The following VPS51 variants were observed in gnomAD, a reference collection of about 807,000 sequenced individuals.
The protein encoded by VPS51 is VPS51 subunit of GARP complex.
In VPS51, 55 loss-of-function variants were observed where a neutral mutation model predicts 65.1. The observed-to-expected ratio is 0.84, with a 90% CI of 0.68 to 1.06. The LOEUF (loss-of-function observed/expected upper bound fraction) is 1.06, where lower values mean the gene tolerates loss of function less well. Among genes scored for constraint, VPS51 ranks in the 50% least tolerant of loss-of-function variants. The pLI is 0.00. For synonymous variants in VPS51, 473 were observed against 489.5 expected (o/e 0.97, Z 0.44); for missense variants, 943 against 1,101.6 (o/e 0.86, Z 2.04).
intron 7 of VPS51, chr11:65,110,151 A>G (rs900690379): frequency 3.2e-6 from 2 of 626,080 alleles, no homozygotes; most frequent in Non-Finnish European, 5.5e-6. Flanking sequence ...GCCTATGTCC[A>G]CGGTCTTGTT....
chr11:65,108,613 C>T lies in VPS51; in HGVS notation c.1142C>T (p.Ala381Val). ...GACCGCTTCCACCGGCGCTTGCGGG[C>T]TCCCGGGGCCCTGCTGGCCGCTGCC... ...ALDRFHRRLR[A>V]PGALLAAAGL... is the part of the protein sequence containing the mutation. Residue 381 changes from alanine to valine, a missense_variant, in exon 5 of 10, where the codon GCT (alanine) becomes GTT (valine). Transcript: ENST00000279281. The T allele has an allele frequency of 6.5e-7, 1 of 1,528,216 alleles. No homozygotes were observed. Among genetic ancestry groups the T allele is most frequent in the Non-Finnish European group, 8.7e-7 (1 of 1,145,808 alleles). 94.7% of individuals were successfully genotyped at this position (1,528,216 alleles called of 1,614,324 possible).
intron 2 of VPS51, among the ~76,000 whole-genome samples, chr11:65,102,346 G>C (rs915450510): frequency 1.3e-5 from 2 of 152,208 alleles, no homozygotes; most frequent in Non-Finnish European, 2.9e-5. Flanking sequence ...GATAAACAGT[G>C]TAGTCTTTGT....
intron 2 of VPS51, among the ~76,000 whole-genome samples, chr11:65,101,869 A>G (rs1479217537): frequency 1.3e-5 from 2 of 151,752 alleles, no homozygotes; most frequent in Non-Finnish European, 2.9e-5. Context: ...CAGTCACATA[A>G]TCAGCATCCA....
chr11:65,096,425 G>A lies in VPS51; in HGVS notation c.175G>A (p.Asp59Asn). Residue 59 changes from aspartate to asparagine, a missense_variant, in exon 1 of 10, where the codon GAC (aspartate) becomes AAC (asparagine). Asp to Asn is a conservative substitution (Grantham distance 23). Around this residue, in one of 2 missense-constraint regions of VPS51, gnomAD observed 855 missense variants for 953.7 expected, o/e 0.90. Transcript: ENST00000279281. ...AGRPAGPDPL[D>N]PTDLNGAHFD... ...ACGCCCCGCGGGGCCCGACCCCCTG[G>A]ACCCGACTGATCTGAACGGGGCGCA... is the stretch of plus-strand genomic sequence containing the variant. 6.5e-7 allele frequency: 1 copy of A among 1,543,092 alleles called. No individual in the cohort carries two copies. Among genetic ancestry groups the A allele is most frequent in the African/African-American group, 1.4e-5 (1 of 71,316 alleles).
rs1258255200 is a variant in VPS51 at position 65,107,288 on chromosome 11, A to G, written c.359-293A>G. 1 of 562,526 alleles carries G rather than the reference A, an allele frequency of 1.8e-6. No individual in the cohort carries two copies. The highest frequency in any genetic ancestry group is 1.9e-5 in the African/African-American group (1 of 53,894). 34.8% of individuals were successfully genotyped at this position (562,526 alleles called of 1,614,324 possible). On this transcript the variant is annotated intron_variant, in intron 2 of 9. Transcript: ENST00000279281. The surrounding 1 kb of genome is among the most constrained non-coding windows in gnomAD (Gnocchi z 4.0). ...TGAGGCACAGTGGTGGCAGCTGGCTAAGCACCTGCGGCCTGCTTCGGATCT... is the reference window on the plus strand; with the variant it reads ...TGAGGCACAGTGGTGGCAGCTGGCTGAGCACCTGCGGCCTGCTTCGGATCT...
chr11:65,101,306 A>T (rs746752096), intron 2 of VPS51, among the ~76,000 whole-genome samples: 3 of 152,250 alleles, frequency 2.0e-5, no homozygotes, highest in Non-Finnish European at 4.4e-5. Flanking sequence ...TTTGGCCTGC[A>T]GGCTGTAGTT....
chr11:65,097,327 T>G (rs1051382175), intron 2 of VPS51, among the ~76,000 whole-genome samples, 200 bp downstream of exon 2: 1 of 152,226 alleles, frequency 6.6e-6, no homozygotes, highest in African/African-American at 2.4e-5. Context: ...GAGGGTTGTC[T>G]TAAGTACCAA....
chr11:65,101,263 C>A (rs2137182338), intron 2 of VPS51, among the ~76,000 whole-genome samples: 1 of 152,106 alleles, frequency 6.6e-6, no homozygotes, highest in Middle Eastern at 3.4e-3. Flanking sequence ...CAATTATATC[C>A]CAATTAAAAA....
At chr11:65,096,618 C>T (rs1947771793) in intron 1 of VPS51, 140 bp downstream of exon 1, 1 of 768,036 alleles carries the variant, frequency 1.3e-6, no homozygotes, top group Non-Finnish European at 2.0e-6. Context: ...GAACCTCGGC[C>T]AGGGAGTACG....
Position 65,111,529 on chromosome 11 carries a change from G to T in VPS51, c.2291G>T (p.Cys764Phe). Residue 764 changes from cysteine to phenylalanine, a missense_variant, in exon 10 of 10, where the codon TGC becomes TTC. Cys to Phe is a radical substitution (Grantham distance 205). Around this residue, in one of 2 missense-constraint regions of VPS51, gnomAD observed 88 missense variants for 147.8 expected, o/e 0.60. Transcript: ENST00000279281. Reference sequence around the variant, plus strand: ...GTGGTGGCCTCTGCTGCCCTGCGCTGCCCAGACCCTGTGCCCATGGAGCCC... The same window carrying T: ...GTGGTGGCCTCTGCTGCCCTGCGCTTCCCAGACCCTGTGCCCATGGAGCCC... ...DEVVASAALR[C>F]PDPVPMEPSV... The T allele has an allele frequency of 6.2e-7, 1 of 1,612,916 alleles. No homozygotes were observed. Among genetic ancestry groups the T allele is most frequent in the Non-Finnish European group, 8.5e-7 (1 of 1,180,020 alleles).
At chr11:65,099,869 G>A (rs907412160) in intron 2 of VPS51, among the ~76,000 whole-genome samples, 3 of 152,256 alleles carry the variant, frequency 2.0e-5, no homozygotes, top group Admixed American at 1.3e-4. Flanking sequence ...CTGAGAGGCC[G>A]AGACGGGTGG....
Position 65,108,895 on chromosome 11 carries a change from C to T in VPS51, c.1424C>T (p.Ser475Phe), listed in dbSNP as rs747556945. 1 of 1,613,032 alleles carries T rather than the reference C, an allele frequency of 6.2e-7. No homozygotes were observed. Among genetic ancestry groups the T allele is most frequent in the Non-Finnish European group, 8.5e-7 (1 of 1,180,012 alleles). ...TTCACCGCCAAAGAGGTGTCCTTCT[C>T]CAACAAGCCCTACTTCCGGGTACGC... ...HLFTAKEVSF[S>F]NKPYFRGEFC... Residue 475 changes from serine (S) to phenylalanine (F), a missense_variant, in exon 5 of 10, where the codon TCC becomes TTC. By Grantham distance (155) the Ser-to-Phe change is radical. This residue lies in a region of VPS51 where 855 missense variants were observed against 953.7 expected (regional missense o/e 0.90). Transcript: ENST00000279281.
chr11:65,096,497 TGGGGGGGTGCGGGGAG>T lies in VPS51; in HGVS notation c.228+25_228+40del. The T allele has an allele frequency of 3.2e-6, 2 of 628,488 alleles. No individual in the cohort carries two copies. The highest frequency in any genetic ancestry group is 4.9e-6 in the Non-Finnish European group (2 of 409,808). The allele number at this position is 628,488 out of a possible 1,614,324, so 38.9% of individuals were successfully genotyped here. A position where few individuals can be genotyped will look rare whatever the true frequency, so the allele number is the denominator to read the frequency against. Reference sequence around the variant, plus strand: ...AGACAAGGTGTGTGCGCACGGGGAGTGGGGGGGTGCGGGGAGGGGGGAAGGGAACCAGGCCCCTGCT... The same window carrying T: ...AGACAAGGTGTGTGCGCACGGGGAGTGGGGGAAGGGAACCAGGCCCCTGCT... On this transcript the variant is annotated intron_variant, in intron 1 of 9. Transcript: ENST00000279281.
intron 7 of VPS51, 67 bp from the exon 8 acceptor site, chr11:65,110,415 T>G (rs1349164034): frequency 9.3e-6 from 15 of 1,611,884 alleles, no homozygotes; most frequent in Non-Finnish European, 1.1e-5. Context: ...TAGGGCATCC[T>G]CAGCACCGAT....
intron 2 of VPS51, among the ~76,000 whole-genome samples, chr11:65,097,814 A>G (rs1383146012): frequency 6.6e-6 from 1 of 151,704 alleles, no homozygotes; most frequent in African/African-American, 2.4e-5. Context: ...CTGTGCTTGT[A>G]CCACTTCACT....
At chr11:65,099,971 C>A (rs1017045979) in intron 2 of VPS51, among the ~76,000 whole-genome samples, 1 of 152,022 alleles carries the variant, frequency 6.6e-6, no homozygotes, top group Non-Finnish European at 1.5e-5. Context: ...GGCATGGTGG[C>A]AGGCATCTGT....
Position 65,096,373 on chromosome 11 carries a change from C to A in VPS51, c.123C>A (p.Tyr41Ter), listed in dbSNP as rs1235296140. Residue 41 changes from tyrosine (Y) to a stop codon, truncating the protein, a stop_gained, in exon 1 of 10, where the codon TAC (tyrosine) becomes TAA (stop). Transcript: ENST00000279281. LOFTEE classifies it high-confidence loss of function. ...CGCACGGGATGCTGAAGCTTTACTA[C>A]GGCCTCTCGGAAGGGGAGGCGGCGG... ...RKAHGMLKLYYGLSEGEAAGR... is the reference protein window; with the variant it reads ...RKAHGMLKLY 1 of 1,533,352 alleles carries A rather than the reference C, an allele frequency of 6.5e-7. No homozygotes were observed. The highest frequency in any genetic ancestry group is 1.2e-5 in the South Asian group (1 of 81,626). The allele number at this position is 1,533,352 out of a possible 1,614,324, so 95.0% of individuals were successfully genotyped here. A position where few individuals can be genotyped will look rare whatever the true frequency, so the allele number is the denominator to read the frequency against.
chr11:65,101,762 C>CAAAAAAAAAAAAAAAAAAAAAAAAAAAA (rs1165429983), intron 2 of VPS51, among the ~76,000 whole-genome samples: 2 of 26,336 alleles, frequency 7.6e-5, no homozygotes, highest in Admixed American at 6.2e-4. Context: ...GACCTTGTCT[C>CAAAAAAAAAAAAAAAAAAAAAAAAAAAA]AAAAAAAAAA....
In VPS51 at chr11:65,108,852, CTG is replaced by C; in HGVS notation, c.1382_1383del (p.Leu461ArgfsTer22). 1 of 1,613,020 alleles carries C rather than the reference CTG, an allele frequency of 6.2e-7. No homozygotes were observed. Among genetic ancestry groups the C allele is most frequent in the East Asian group, 2.2e-5 (1 of 44,878 alleles). ...CATCCTGAGCCACATTAAGGCCTCT[CTG>C]GCAGCAGTGCACCTTTTCACCGCCA... Reference protein sequence around the residue: ...SSILSHIKASLAAVHLFTAKE... With the variant: ...SSILSHIKASXAAVHLFTAKE... On this transcript the variant is annotated frameshift_variant, in exon 5 of 10. Coordinates refer to ENST00000279281, the MANE Select transcript of VPS51 (RefSeq NM_013265.4). LOFTEE classifies it high-confidence loss of function.
Sources: allele counts gnomAD v4.1 joint callset (sites outside exome capture counted in the v4.1 genomes callset), GRCh38; gene constraint gnomAD v4.1.1; regional missense constraint gnomAD v4.1.1; non-coding constraint Gnocchi (gnomAD v3.1); transcripts MANE v1.5; gene names NCBI Gene and HGNC (gene_info 2026-07-23, HGNC 2026-07-21).